HSD17B2: variants seen among roughly 807,000 people sequenced by gnomAD.
HSD17B2 encodes hydroxysteroid 17-beta dehydrogenase 2, also known as 17-beta-hydroxysteroid dehydrogenase type 2.
Under a neutral mutation model 26.9 loss-of-function variants are expected in HSD17B2, and 32 were observed. The ratio of observed to expected loss-of-function variants is 1.19; its 90% CI spans 0.90 to 1.60. The LOEUF (loss-of-function observed/expected upper bound fraction) is 1.60, where lower values mean the gene tolerates loss of function less well. Ranked by LOEUF, HSD17B2 falls within the 40% of genes most tolerant of loss-of-function variation. HSD17B2 has a pLI of 0.00. For synonymous variants in HSD17B2, 246 were observed against 186.7 expected (o/e 1.32, Z -2.59); for missense variants, 613 against 468.6 (o/e 1.31, Z -2.85).
intron 4 of HSD17B2, chr16:82,097,020 T>C (rs1461581382): frequency 6.6e-6 from 1 of 152,004 alleles, no homozygotes. Flanking sequence ...TTTTTTTCTT[T>C]TTTTCCCTTT....
chr16:82,073,720 A>AAAAATCTC lies in HSD17B2; in HGVS notation c.664+2595_664+2602dup, dbSNP rs1914750144. 3.3e-5 allele frequency among the ~76,000 whole-genome samples: 5 copies of AAAAATCTC among 152,356 alleles called. 1 individual carries two copies. In the South Asian group the frequency reaches 1.0e-3, roughly 32 times the overall value. On this transcript the variant is annotated intron_variant, in intron 3 of 4. Transcript: ENST00000199936. ...ATTGGAGATGACACAAACAAATGGA[A>AAAAATCTC]AAAATCTCATGTTCATGGATAAGAA... is the stretch of plus-strand genomic sequence containing the variant.
chr16:82,098,233 G>T lies in HSD17B2; in HGVS notation c.961G>T (p.Val321Leu). Residue 321 changes from valine (V) to leucine (L), a missense_variant, in exon 5 of 5, where the codon GTG becomes TTG. Transcript: ENST00000199936. ...GTTAGCCAGCAAGGACTTCTCTCCG[G>T]TGCTGCGGGACATCCAGCATGCTAT... Reference protein sequence around the residue: ...NSLASKDFSPVLRDIQHAILA... With the variant: ...NSLASKDFSPLLRDIQHAILA... 6.2e-7 allele frequency: 1 copy of T among 1,614,204 alleles called. No individual in the cohort carries two copies. Among genetic ancestry groups the T allele is most frequent in the Non-Finnish European group, 8.5e-7 (1 of 1,180,026 alleles).
At chr16:82,049,145 CAATTGT>C (rs1914028627) in intron 1 of HSD17B2, among the ~76,000 whole-genome samples, 2 of 152,144 alleles carry the variant, frequency 1.3e-5, no homozygotes, top group African/African-American at 2.4e-5. Flanking sequence ...CCCTCTCAAG[CAATTGT>C]TCTTTACTGG....
intron 3 of HSD17B2, 87 bp from the exon 4 acceptor site, chr16:82,090,815 A>T: frequency 7.8e-7 from 1 of 1,288,252 alleles, no homozygotes; most frequent in Non-Finnish European, 1.1e-6. Context: ...ACCAGTTCCT[A>T]CATACAGTAG....
intron 3 of HSD17B2, among the ~76,000 whole-genome samples, chr16:82,089,859 T>A (rs1377909968): frequency 2.0e-5 from 3 of 152,170 alleles, no homozygotes; most frequent in Non-Finnish European, 1.5e-5. Context: ...GGATGGCCTT[T>A]CCTAGAGATC....
chr16:82,039,350 AGG>A (rs1455378160), intron 1 of HSD17B2, among the ~76,000 whole-genome samples: 37 of 148,622 alleles, frequency 2.5e-4, no homozygotes, highest in South Asian at 1.9e-3. Context: ...AGAGAGAGAG[AGG>A]GAGAGAGAGA....
intron 4 of HSD17B2, chr16:82,097,028 T>G (rs1483036392): frequency 6.6e-6 from 1 of 151,804 alleles, no homozygotes; most frequent in Non-Finnish European, 1.5e-5. Context: ...TTTTTTTCCC[T>G]TTTTCTTTTC....
At chr16:82,058,276 A>T (rs543108827) in intron 1 of HSD17B2, among the ~76,000 whole-genome samples, 5 of 151,656 alleles carry the variant, frequency 3.3e-5, no homozygotes, top group Admixed American at 2.0e-4. Flanking sequence ...TCCCTTTGTT[A>T]CCCAGGCTAG....
chr16:82,084,683 C>A (rs938577698), intron 3 of HSD17B2, among the ~76,000 whole-genome samples: 1 of 152,062 alleles, frequency 6.6e-6, no homozygotes, highest in African/African-American at 2.4e-5. Context: ...CTCCAGAAAT[C>A]GCAGAGTAAA....
At chr16:82,046,168 C>T (rs548600883) in intron 1 of HSD17B2, among the ~76,000 whole-genome samples, 4 of 152,252 alleles carry the variant, frequency 2.6e-5, no homozygotes, top group African/African-American at 4.8e-5. Context: ...TATGCACGCT[C>T]GAGATACAGT....
chr16:82,083,393 G>T (rs535784748), intron 3 of HSD17B2, among the ~76,000 whole-genome samples: 1 of 152,080 alleles, frequency 6.6e-6, no homozygotes, highest in African/African-American at 2.4e-5. Flanking sequence ...AAGACAGACT[G>T]CCCGGGTTTT....
intron 4 of HSD17B2, chr16:82,097,387 A>G (rs1825956886): frequency 7.9e-6 from 1 of 127,022 alleles, no homozygotes; most frequent in Non-Finnish European, 1.8e-5. Flanking sequence ...AGACACATAT[A>G]TATATATATT....
intron 3 of HSD17B2, among the ~76,000 whole-genome samples, chr16:82,083,005 T>C (rs755124908): frequency 6.6e-6 from 1 of 152,134 alleles, no homozygotes; most frequent in South Asian, 2.1e-4. Flanking sequence ...TACCACCACA[T>C]CAAACACTAA....
intron 4 of HSD17B2, chr16:82,093,005 G>C (rs1295440244): frequency 6.6e-6 from 1 of 152,144 alleles, no homozygotes; most frequent in Non-Finnish European, 1.5e-5. Flanking sequence ...TAATTGCTAT[G>C]CATAATAGTT....
At chr16:82,048,531 C>A (rs1315754302) in intron 1 of HSD17B2, among the ~76,000 whole-genome samples, 1 of 151,926 alleles carries the variant, frequency 6.6e-6, no homozygotes, top group African/African-American at 2.4e-5. Context: ...ACATGAAGAT[C>A]AAAAGAAAAA....
At chr16:82,055,762 C>G (rs1325597915) in intron 1 of HSD17B2, among the ~76,000 whole-genome samples, 1 of 152,114 alleles carries the variant, frequency 6.6e-6, no homozygotes, top group Non-Finnish European at 1.5e-5. Context: ...AAATGAGAAG[C>G]CTGGATTCAA....
intron 3 of HSD17B2, among the ~76,000 whole-genome samples, chr16:82,080,178 G>C (rs1352914232): frequency 6.6e-6 from 1 of 152,196 alleles, no homozygotes; most frequent in Non-Finnish European, 1.5e-5. Flanking sequence ...ACTATCTCAG[G>C]CTGTTGTGAG....
intron 3 of HSD17B2, among the ~76,000 whole-genome samples, chr16:82,081,989 G>A (rs146636352): frequency 2.6e-5 from 4 of 152,208 alleles, no homozygotes; most frequent in East Asian, 1.9e-4. Flanking sequence ...GCAACCTAAC[G>A]CAGGAACAGA....
At chr16:82,061,260 A>G (rs1914431205) in intron 1 of HSD17B2, among the ~76,000 whole-genome samples, 2 of 152,202 alleles carry the variant, frequency 1.3e-5, no homozygotes, top group Admixed American at 6.5e-5. Context: ...TCTGTCAAAA[A>G]AAAAAAAAAA....
Sources: gnomAD v4.1 joint callset for allele counts (sites outside exome capture counted in the v4.1 genomes callset) on GRCh38, gnomAD v4.1.1 for gene constraint, MANE v1.5 for transcripts, NCBI Gene and HGNC (gene_info 2026-07-23, HGNC 2026-07-21) for gene names.